SHMT1: variants seen among roughly 807,000 people sequenced by gnomAD.
SHMT1 encodes the protein serine hydroxymethyltransferase 1.
A neutral mutation model predicts 49.0 loss-of-function variants in SHMT1; 45 were observed. That is an observed-to-expected ratio of 0.92 (90% CI 0.72 to 1.18). The LOEUF (loss-of-function observed/expected upper bound fraction) is 1.18, where lower values mean the gene tolerates loss of function less well. Ranked by LOEUF, SHMT1 falls within the 50% of genes most tolerant of loss-of-function variation. The probability of loss-of-function intolerance (pLI) is 0.00; values close to 1 mark genes in which losing one functional copy is unlikely to be tolerated. For synonymous variants in SHMT1, 232 were observed against 246.6 expected (o/e 0.94, Z 0.55); for missense variants, 541 against 612.4 (o/e 0.88, Z 1.23).
At chr17:18,330,485 C>A (rs1983078932) in intron 10 of SHMT1, 70 bp downstream of exon 10, 3 of 1,108,340 alleles carry the variant, frequency 2.7e-6, no homozygotes, top group Non-Finnish European at 4.2e-6. Context: ...ATATATTCAT[C>A]AGCTACAACT....
Position 18,337,881 on chromosome 17 carries a change from T to G in SHMT1, c.814+2162A>C, listed in dbSNP as rs547454527. Reference sequence around the variant, plus strand: ...AGTCTCGTTCACTCAGTGCTCAATGTTGCCCAGGCTGGAGTGCAGTGGTGT... The same window carrying G: ...AGTCTCGTTCACTCAGTGCTCAATGGTGCCCAGGCTGGAGTGCAGTGGTGT... On this transcript the variant is annotated intron_variant, in intron 7 of 11. Coordinates refer to ENST00000316694, the MANE Select transcript of SHMT1 (RefSeq NM_004169.5). Among the ~76,000 whole-genome samples, 15 of 152,288 alleles carry G rather than the reference T, an allele frequency of 9.8e-5. No homozygotes were observed. In the South Asian group the frequency reaches 2.9e-3, roughly 29 times the overall value.
intron 7 of SHMT1, among the ~76,000 whole-genome samples, chr17:18,339,372 G>A (rs1436765259): frequency 1.3e-5 from 2 of 152,120 alleles, no homozygotes; most frequent in Admixed American, 6.6e-5. Context: ...GCCTTGTGAG[G>A]CCTCCCAGTG....
chr17:18,353,923 T>G, intron 2 of SHMT1, 106 bp from the exon 3 acceptor site: 1 of 977,068 alleles, frequency 1.0e-6, no homozygotes, highest in South Asian at 1.3e-5. Flanking sequence ...TTTCACATTA[T>G]GGAATAGAAT....
chr17:18,347,546 T>C lies in SHMT1; in HGVS notation c.469A>G (p.Lys157Glu). ...GHLTHGFMTDKKKISATSIFF... is the reference protein window; with the variant it reads ...GHLTHGFMTDEKKISATSIFF... ...ATGGACGTGGCAGAGATTTTCTTCT[T>C]GTCTGTCATGAACCCATGGGTCAGG... The change falls in exon 5 of 12, where the codon AAG (lysine) becomes GAG (glutamate). Residue 157 changes from lysine to glutamate, a missense_variant. Lys to Glu is a moderately conservative substitution (Grantham distance 56, BLOSUM62 1). Transcript: ENST00000316694. 6.2e-7 allele frequency: 1 copy of C among 1,614,182 alleles called. No individual in the cohort carries two copies. The highest frequency in any genetic ancestry group is 8.5e-7 in the Non-Finnish European group (1 of 1,180,046).
Position 18,340,831 on chromosome 17 carries a change from G to T in SHMT1, c.520-18C>A. 1 of 1,599,846 alleles carries T rather than the reference G, an allele frequency of 6.3e-7. No homozygotes were observed. The highest frequency in any genetic ancestry group is 8.5e-7 in the Non-Finnish European group (1 of 1,169,804). ...GGGTTCACCTGTGGAATGTCAGGGA[G>T]GCAGGTTCAGGCTGCTTCCTCCAAC... is the stretch of plus-strand genomic sequence containing the variant. On this transcript the variant is annotated intron_variant, in intron 5 of 11. Transcript: ENST00000316694. This position sits in a 1 kb window ranked among gnomAD's most constrained non-coding sequence, Gnocchi z 4.5.
chr17:18,361,250 G>C (rs1036612936), intron 1 of SHMT1, among the ~76,000 whole-genome samples: 1 of 141,538 alleles, frequency 7.1e-6, no homozygotes, highest in Non-Finnish European at 1.5e-5. Context: ...AGTGAGCTGA[G>C]ATCGTGCCAC....
chr17:18,337,232 C>A (rs1983890402), intron 7 of SHMT1, among the ~76,000 whole-genome samples: 1 of 152,204 alleles, frequency 6.6e-6, no homozygotes, highest in African/African-American at 2.4e-5. Flanking sequence ...GGCTGCACAG[C>A]TAGCCCTAAA....
intron 1 of SHMT1, among the ~76,000 whole-genome samples, chr17:18,356,201 C>T (rs1356950455): frequency 1.3e-5 from 2 of 151,962 alleles, no homozygotes; most frequent in Non-Finnish European, 2.9e-5. Context: ...TGCCACCATG[C>T]CCGGCTAATT....
In SHMT1 at chr17:18,347,061, C is replaced by T. The variant is rs563735991; in HGVS notation, c.519+435G>A. 5.4e-4 allele frequency among the ~76,000 whole-genome samples: 83 copies of T among 152,314 alleles called. No homozygotes were observed. In the Middle Eastern group the frequency reaches 0.01, roughly 19 times the overall value. On this transcript the variant is annotated intron_variant, in intron 5 of 11. Coordinates refer to ENST00000316694, the MANE Select transcript of SHMT1 (RefSeq NM_004169.5). ...CTGGTTTTGGTGCTGGAGCTGGGGA[C>T]GTTGCCATGCCTGTAGCTACTGCAT...
At chr17:18,355,816 G>A (rs1196817192) in intron 2 of SHMT1, 70 bp downstream of exon 2, 1 of 945,288 alleles carries the variant, frequency 1.1e-6, no homozygotes, top group African/African-American at 1.6e-5. Flanking sequence ...TAATTAATTT[G>A]TAATTAGAAC....
At chr17:18,329,128 G>T (rs1392019815) in intron 11 of SHMT1, 150 bp downstream of exon 11, 19 of 862,268 alleles carry the variant, frequency 2.2e-5, no homozygotes, top group Non-Finnish European at 3.4e-5. Context: ...CTCAGACAAG[G>T]TGATTTACAT....
chr17:18,359,233 G>A (rs1196055239), intron 1 of SHMT1, among the ~76,000 whole-genome samples: 3 of 146,366 alleles, frequency 2.0e-5, no homozygotes, highest in South Asian at 2.2e-4. Flanking sequence ...GCAAGACTCT[G>A]TCTCCAGGGG....
chr17:18,359,579 G>A (rs1215225299), intron 1 of SHMT1, among the ~76,000 whole-genome samples: 1 of 152,006 alleles, frequency 6.6e-6, no homozygotes, highest in Non-Finnish European at 1.5e-5. Context: ...TTGAGCCTCA[G>A]AGGTGGAGGC....
intron 7 of SHMT1, 118 bp from the exon 8 acceptor site, chr17:18,335,793 A>G: frequency 1.2e-6 from 1 of 800,688 alleles, no homozygotes; most frequent in Admixed American, 1.7e-5. Flanking sequence ...TTATCCTGGC[A>G]TGGAGAACTG....
intron 10 of SHMT1, 83 bp downstream of exon 10, chr17:18,330,472 C>T: frequency 9.8e-7 from 1 of 1,019,654 alleles, no homozygotes; most frequent in East Asian, 2.4e-5. Flanking sequence ...GTCCCCGGAG[C>T]CAATATATTC....
At chr17:18,333,131 A>G in intron 9 of SHMT1, 35 bp downstream of exon 9, 1 of 1,613,074 alleles carries the variant, frequency 6.2e-7, no homozygotes, top group Non-Finnish European at 8.5e-7. Context: ...TACAACCACA[A>G]GAACAGGCCT....
chr17:18,360,591 A>G (rs1986667511), intron 1 of SHMT1: 1 of 151,954 alleles, frequency 6.6e-6, no homozygotes, highest in South Asian at 2.1e-4. Context: ...AAAGAAAGAA[A>G]GATGCAATAA....
At chr17:18,344,409 G>A (rs1476128142) in intron 5 of SHMT1, among the ~76,000 whole-genome samples, 3 of 151,908 alleles carry the variant, frequency 2.0e-5, no homozygotes, top group Non-Finnish European at 2.9e-5. Context: ...GCTCACGCCT[G>A]TAATCCCAGC....
chr17:18,339,148 G>A (rs1282172305), intron 7 of SHMT1, among the ~76,000 whole-genome samples: 2 of 150,512 alleles, frequency 1.3e-5, no homozygotes, highest in African/African-American at 4.9e-5. Flanking sequence ...TCTCACCACA[G>A]GCTAAATGAT....
Sources: gnomAD v4.1 joint callset for allele counts (sites outside exome capture counted in the v4.1 genomes callset) on GRCh38, gnomAD v4.1.1 for gene constraint, Gnocchi (gnomAD v3.1) non-coding constraint, MANE v1.5 for transcripts, NCBI Gene and HGNC (gene_info 2026-07-23, HGNC 2026-07-21) for gene names.